Variants in FGF12 observed in about 807,000 individuals in gnomAD.
The protein encoded by FGF12 is fibroblast growth factor 12B.
Under a neutral mutation model 23.6 loss-of-function variants are expected in FGF12, and 14 were observed. The observed-to-expected ratio is 0.59, with a 90% CI of 0.39 to 0.93. The LOEUF is 0.93. Ranked by LOEUF, FGF12 falls within the 40% of genes least tolerant of loss-of-function variation. The pLI, the probability that FGF12 is intolerant of heterozygous loss-of-function variation, is 0.00. For missense variants in FGF12, 175 were observed against 217.8 expected, an observed-to-expected ratio of 0.80 and a Z score of 1.24; for synonymous variants, 62 against 77.3, an observed-to-expected ratio of 0.80 and a Z score of 1.04.
chr3:192,311,538 TC>T, intron 4 of FGF12, among the ~76,000 whole-genome samples: 1 of 152,186 alleles, frequency 6.6e-6, no homozygotes, highest in Non-Finnish European at 1.5e-5. Flanking sequence ...ATTTATCCAT[TC>T]ATCAGTTGAT....
intron 3 of FGF12, among the ~76,000 whole-genome samples, chr3:192,337,934 A>G (rs1445095204): frequency 6.6e-6 from 1 of 152,174 alleles, no homozygotes; most frequent in African/African-American, 2.4e-5. Context: ...ATTAATTTTC[A>G]AAGTGCTGAT....
chr3:192,314,792 G>A (rs1229836509), intron 4 of FGF12, among the ~76,000 whole-genome samples: 2 of 152,158 alleles, frequency 1.3e-5, no homozygotes, highest in Non-Finnish European at 2.9e-5. Context: ...TCTTCTTAGT[G>A]AGGTTTTGTG....
chr3:192,414,546 T>C (rs955322154), intron 2 of FGF12, among the ~76,000 whole-genome samples: 8 of 152,216 alleles, frequency 5.3e-5, no homozygotes, highest in African/African-American at 1.7e-4. Flanking sequence ...TTACAAATCA[T>C]CTTCTCATGT....
chr3:192,557,062 T>A (rs2108590940), intron 2 of FGF12, among the ~76,000 whole-genome samples: 1 of 151,732 alleles, frequency 6.6e-6, no homozygotes, highest in East Asian at 1.9e-4. Context: ...AAAGCAGCCG[T>A]AAGAGGGAGT....
intron 4 of FGF12, among the ~76,000 whole-genome samples, chr3:192,187,667 G>C (rs1716547793): frequency 6.6e-6 from 1 of 152,180 alleles, no homozygotes; most frequent in Non-Finnish European, 1.5e-5. Context: ...GGACCAAGGA[G>C]AGCTTCCTGA....
chr3:192,386,449 A>G (rs1720043939), intron 2 of FGF12, among the ~76,000 whole-genome samples: 1 of 152,162 alleles, frequency 6.6e-6, no homozygotes, highest in African/African-American at 2.4e-5. Flanking sequence ...TGGCTGATTT[A>G]TGACTCAGGA....
At chr3:192,272,787 T>C (rs1379059936) in intron 4 of FGF12, among the ~76,000 whole-genome samples, 1 of 152,152 alleles carries the variant, frequency 6.6e-6, no homozygotes, top group Non-Finnish European at 1.5e-5. Context: ...ATAGCCATTG[T>C]AAAAATATTC....
At chr3:192,378,074 CT>C (rs1301457746) in intron 2 of FGF12, among the ~76,000 whole-genome samples, 47 of 115,178 alleles carry the variant, frequency 4.1e-4, no homozygotes, top group East Asian at 1.4e-3. Context: ...TTCTTTCTTT[CT>C]TTCTTTCTTT....
At chr3:192,188,609 A>G (rs1311713466) in intron 4 of FGF12, among the ~76,000 whole-genome samples, 1 of 152,254 alleles carries the variant, frequency 6.6e-6, no homozygotes, top group Admixed American at 6.5e-5. Flanking sequence ...CTGGATGACA[A>G]TACATTGTCT....
chr3:192,353,790 G>A (rs1005293547), intron 3 of FGF12, among the ~76,000 whole-genome samples: 9 of 152,184 alleles, frequency 5.9e-5, no homozygotes, highest in Non-Finnish European at 1.0e-4. Context: ...AGCCATTCAA[G>A]AAAATAACTA....
At chr3:192,370,346 A>G (rs971713802) in intron 2 of FGF12, among the ~76,000 whole-genome samples, 4 of 152,156 alleles carry the variant, frequency 2.6e-5, no homozygotes, top group Admixed American at 6.5e-5. Flanking sequence ...ATAACACAAA[A>G]TAGGAATTTT....
At chr3:192,169,282 A>G (rs1162425656) in intron 5 of FGF12, among the ~76,000 whole-genome samples, 3 of 152,174 alleles carry the variant, frequency 2.0e-5, no homozygotes, top group Non-Finnish European at 4.4e-5. Flanking sequence ...CAGAGGCTGC[A>G]GTGAGCCGAG....
intron 2 of FGF12, among the ~76,000 whole-genome samples, chr3:192,429,937 G>A (rs946796181): frequency 3.3e-5 from 5 of 152,142 alleles, no homozygotes; most frequent in Non-Finnish European, 5.9e-5. Context: ...GCCACACAGA[G>A]TAGATTTTCA....
chr3:192,622,291 C>T (rs189196268), intron 2 of FGF12, among the ~76,000 whole-genome samples: 1 of 152,284 alleles, frequency 6.6e-6, no homozygotes, highest in African/African-American at 2.4e-5. Context: ...TTCAACCTCA[C>T]ATGGAGCCAT....
intron 2 of FGF12, among the ~76,000 whole-genome samples, chr3:192,481,333 A>G (rs549915478): frequency 6.6e-6 from 1 of 151,794 alleles, no homozygotes; most frequent in South Asian, 2.1e-4. Context: ...TCTCTGAGGA[A>G]AAAAAAAATC....
intron 2 of FGF12, among the ~76,000 whole-genome samples, chr3:192,594,784 CAGTCTT>C (rs1190596779): frequency 6.6e-6 from 1 of 151,870 alleles, no homozygotes; most frequent in Non-Finnish European, 1.5e-5. Context: ...CGCAACCCCT[CAGTCTT>C]AGACTTCCCA....
At chr3:192,201,419 T>C (rs1244804961) in intron 4 of FGF12, among the ~76,000 whole-genome samples, 1 of 152,220 alleles carries the variant, frequency 6.6e-6, no homozygotes, top group East Asian at 1.9e-4. Context: ...GTCTTTAAAA[T>C]TCATTTTTAT....
At chr3:192,516,044 G>C (rs1431395998) in intron 2 of FGF12, among the ~76,000 whole-genome samples, 1 of 152,094 alleles carries the variant, frequency 6.6e-6, no homozygotes, top group East Asian at 1.9e-4. Context: ...CTAGGTGTGT[G>C]ACCTTGAACA....
At chr3:192,148,081 A>G (rs9838334) in intron 5 of FGF12, among the ~76,000 whole-genome samples, 42,780 of 152,052 alleles carry the variant, frequency 0.28, 7,098 homozygotes, top group Non-Finnish European at 0.37. Context: ...ATACGGATGT[A>G]CCATATGATC....
Sources: allele counts gnomAD v4.1 joint callset (sites outside exome capture counted in the v4.1 genomes callset), GRCh38; gene constraint gnomAD v4.1.1; transcripts MANE v1.5; gene names NCBI Gene and HGNC (gene_info 2026-07-23, HGNC 2026-07-21).